The following FRMD4A variants were observed in gnomAD, a reference collection of about 807,000 sequenced individuals.
FRMD4A encodes FERM domain containing 4A, also known as FERM domain-containing protein 4A.
FRMD4A carries 29 observed loss-of-function variants against 129.1 expected under a neutral mutation model. The observed-to-expected ratio is 0.22, with a 90% confidence interval of 0.17 to 0.31. The LOEUF is 0.31. Among genes scored for constraint, FRMD4A ranks in the 10% least tolerant of loss-of-function variants. The pLI, the probability that FRMD4A is intolerant of heterozygous loss-of-function variation, is 1.00. For synonymous variants in FRMD4A, 634 were observed against 571.6 expected, an observed-to-expected ratio of 1.11 and a Z score of -1.56; for missense variants, 1,272 against 1,375.8, an observed-to-expected ratio of 0.92 and a Z score of 1.19.
At chr10:13,892,660 G>A (rs1360407853) in intron 2 of FRMD4A, among the ~76,000 whole-genome samples, 1 of 152,254 alleles carries the variant, frequency 6.6e-6, no homozygotes, top group East Asian at 1.9e-4. Context: ...AGCAAAAGCC[G>A]ACTTGTTTCT....
chr10:13,658,978 C>A (rs2134663979), intron 21 of FRMD4A, among the ~76,000 whole-genome samples: 2 of 151,948 alleles, frequency 1.3e-5, no homozygotes, highest in Middle Eastern at 6.8e-3. Context: ...TTTTGAGGCA[C>A]TAAAGGAAGT....
At chr10:14,048,633 C>T (rs1421060386) in intron 2 of FRMD4A, among the ~76,000 whole-genome samples, 1 of 151,906 alleles carries the variant, frequency 6.6e-6, no homozygotes, top group Non-Finnish European at 1.5e-5. Context: ...TGGTGAAACC[C>T]TGTCTCTACT....
chr10:13,829,694 G>GTAGA (rs1413700194), intron 3 of FRMD4A, among the ~76,000 whole-genome samples: 6 of 152,146 alleles, frequency 3.9e-5, no homozygotes, highest in African/African-American at 1.4e-4. Context: ...ACCTCTATTT[G>GTAGA]TAGATATGGG....
At chr10:14,001,015 A>G (rs547255362) in intron 2 of FRMD4A, among the ~76,000 whole-genome samples, 13 of 152,142 alleles carry the variant, frequency 8.5e-5, no homozygotes, top group Non-Finnish European at 1.5e-4. Flanking sequence ...CAAAAACCCA[A>G]CCCAACCAAC....
intron 2 of FRMD4A, among the ~76,000 whole-genome samples, chr10:13,877,621 C>A (rs1326963654): frequency 6.6e-6 from 1 of 152,202 alleles, no homozygotes; most frequent in Non-Finnish European, 1.5e-5. Context: ...CTTTGACATC[C>A]ACACGGAGCA....
At chr10:14,009,536 C>G (rs1368493840) in intron 2 of FRMD4A, among the ~76,000 whole-genome samples, 2 of 152,160 alleles carry the variant, frequency 1.3e-5, no homozygotes, top group Non-Finnish European at 2.9e-5. Context: ...TTTATTCAAA[C>G]ACACCTAATA....
At chr10:14,242,398 T>C (rs1844079338) in intron 2 of FRMD4A, among the ~76,000 whole-genome samples, 1 of 152,210 alleles carries the variant, frequency 6.6e-6, no homozygotes, top group South Asian at 2.1e-4. Context: ...AGGGACTGCA[T>C]TATTATATTA....
chr10:14,132,597 G>A (rs1449742149), intron 2 of FRMD4A, among the ~76,000 whole-genome samples: 1 of 152,238 alleles, frequency 6.6e-6, no homozygotes, highest in East Asian at 1.9e-4. Flanking sequence ...GAGGAGAGCA[G>A]AGACAGTAGA....
intron 2 of FRMD4A, among the ~76,000 whole-genome samples, chr10:13,968,182 C>A (rs181029827): frequency 6.6e-6 from 1 of 152,306 alleles, no homozygotes; most frequent in African/African-American, 2.4e-5. Flanking sequence ...AGCCCCGGAT[C>A]AACTAAATCA....
At chr10:13,670,590 A>G in intron 16 of FRMD4A, 62 bp from the exon 17 acceptor site, 1 of 1,574,572 alleles carries the variant, frequency 6.4e-7, no homozygotes, top group South Asian at 1.1e-5. Flanking sequence ...TCTGCTTCCT[A>G]GAACACACAC....
At chr10:13,707,140 AC>A in intron 12 of FRMD4A, 27 bp from the exon 13 acceptor site, 1 of 1,288,320 alleles carries the variant, frequency 7.8e-7, no homozygotes, top group Non-Finnish European at 1.1e-6. Context: ...GTAGTTTAAA[AC>A]TCAGGAGGGG....
intron 2 of FRMD4A, among the ~76,000 whole-genome samples, chr10:14,175,548 G>GTGTC (rs200816593): frequency 0.013 from 1,815 of 143,788 alleles, 43 homozygotes; most frequent in African/African-American, 0.044. Flanking sequence ...TTTTTACAGG[G>GTGTC]TGTCTGTCTG....
At chr10:14,043,342 T>G (rs779971808) in intron 2 of FRMD4A, among the ~76,000 whole-genome samples, 2 of 152,220 alleles carry the variant, frequency 1.3e-5, no homozygotes, top group Non-Finnish European at 2.9e-5. Context: ...AAGGTGATAC[T>G]CAAAGGAAAT....
chr10:14,185,581 T>C (rs1307353171), intron 2 of FRMD4A, among the ~76,000 whole-genome samples: 4 of 151,788 alleles, frequency 2.6e-5, no homozygotes, highest in Non-Finnish European at 5.9e-5. Flanking sequence ...AATCTCGTCT[T>C]GTAAGAAAGA....
At chr10:13,699,055 T>C (rs913205440) in intron 14 of FRMD4A, among the ~76,000 whole-genome samples, 7 of 5,752 alleles carry the variant, frequency 1.2e-3, no homozygotes, top group African/African-American at 2.1e-3. Context: ...TACAATAATC[T>C]TTTTTTTTTT....
intron 2 of FRMD4A, among the ~76,000 whole-genome samples, chr10:13,898,347 C>G (rs938652363): frequency 6.6e-6 from 1 of 152,130 alleles, no homozygotes; most frequent in Non-Finnish European, 1.5e-5. Context: ...GTCTGGGTGA[C>G]AGAGAGAGAC....
At chr10:13,891,559 G>A in intron 2 of FRMD4A, 1 of 971,016 alleles carries the variant, frequency 1.0e-6, no homozygotes, top group Non-Finnish European at 1.2e-6. Flanking sequence ...GTGAAAACAC[G>A]GAAGGCGAAG....
At chr10:14,278,510 T>G (rs1402512146) in intron 2 of FRMD4A, among the ~76,000 whole-genome samples, 2 of 152,204 alleles carry the variant, frequency 1.3e-5, no homozygotes, top group African/African-American at 4.8e-5. Context: ...AAGTCTTCCT[T>G]TCAGCGACTC....
chr10:13,649,370 T>A (rs1276291535), intron 24 of FRMD4A: 1 of 126,926 alleles, frequency 7.9e-6, no homozygotes, highest in African/African-American at 2.7e-5. Context: ...TGGCCCATGG[T>A]GTTCTCCTGT....
Sources: gnomAD v4.1 joint callset for allele counts (sites outside exome capture counted in the v4.1 genomes callset) on GRCh38, gnomAD v4.1.1 for gene constraint, MANE v1.5 for transcripts, NCBI Gene and HGNC (gene_info 2026-07-23, HGNC 2026-07-21) for gene names.